The following GRM8 variants were observed in gnomAD, a reference collection of about 807,000 sequenced individuals.
GRM8 encodes the protein glutamate metabotropic receptor 8.
GRM8 carries 47 observed loss-of-function variants against 87.2 expected under a neutral mutation model. The observed-to-expected ratio is 0.54, with a 90% confidence interval of 0.43 to 0.69. The LOEUF is 0.69. Among genes scored for constraint, GRM8 ranks in the 30% least tolerant of loss-of-function variants. GRM8 has a pLI of 0.00. For missense variants in GRM8, 1,019 were observed against 1,139.2 expected (o/e 0.89, Z 1.52); for synonymous variants, 396 against 404.5 (o/e 0.98, Z 0.25).
At chr7:127,045,144 A>C (rs1469714451) in intron 3 of GRM8, among the ~76,000 whole-genome samples, 1 of 152,198 alleles carries the variant, frequency 6.6e-6, no homozygotes, top group East Asian at 1.9e-4. Context: ...TATCAACTCA[A>C]ATGCATGACT....
intron 2 of GRM8, among the ~76,000 whole-genome samples, chr7:127,154,729 A>T (rs1353197702): frequency 6.6e-6 from 1 of 152,066 alleles, no homozygotes; most frequent in Non-Finnish European, 1.5e-5. Flanking sequence ...CCCATGGACT[A>T]TAACTTTTTT....
chr7:126,623,594 G>A (rs969801606), intron 7 of GRM8, among the ~76,000 whole-genome samples: 1 of 152,078 alleles, frequency 6.6e-6, no homozygotes, highest in Non-Finnish European at 1.5e-5. Flanking sequence ...CCATTCACTG[G>A]GGATGAAGGC....
chr7:127,023,747 A>G (rs954837481), intron 3 of GRM8, among the ~76,000 whole-genome samples: 9 of 152,220 alleles, frequency 5.9e-5, no homozygotes, highest in African/African-American at 2.2e-4. Context: ...AAAATTTCCA[A>G]TTTCAAATCC....
Position 126,528,461 on chromosome 7 carries a change from C to T in GRM8, c.2430+4491G>A, listed in dbSNP as rs1055912579. ...CAAAATCAAATAAAGTCCTTGCCCT[C>T]ATGGGTAACAGCCTAATGGTGATGA... On this transcript the variant is annotated intron_variant, in intron 9 of 10. Coordinates refer to ENST00000339582, the MANE Select transcript of GRM8 (RefSeq NM_000845.3). 3.3e-5 allele frequency among the ~76,000 whole-genome samples: 5 copies of T among 152,152 alleles called. No individual in the cohort carries two copies. The East Asian group carries it at 9.6e-4, about 29-fold the overall frequency.
chr7:126,779,570 AT>A (rs1157293288), intron 6 of GRM8, among the ~76,000 whole-genome samples: 1 of 152,176 alleles, frequency 6.6e-6, no homozygotes, highest in Non-Finnish European at 1.5e-5. Context: ...AAGACATAAC[AT>A]AGCTACAATA....
chr7:127,235,610 A>C (rs934304433), intron 2 of GRM8, among the ~76,000 whole-genome samples: 1 of 152,232 alleles, frequency 6.6e-6, no homozygotes, highest in Non-Finnish European at 1.5e-5. Flanking sequence ...TGGTCCATCC[A>C]TATGATTAAA....
intron 10 of GRM8, among the ~76,000 whole-genome samples, chr7:126,442,002 G>T (rs543832110): frequency 4.4e-4 from 21 of 48,188 alleles, no homozygotes; most frequent in Admixed American, 2.1e-3. Context: ...TGCAAAATGC[G>T]TGAAAAAAAA....
intron 2 of GRM8, among the ~76,000 whole-genome samples, chr7:127,221,337 G>A (rs1232657772): frequency 4.6e-5 from 7 of 152,234 alleles, no homozygotes; most frequent in South Asian, 2.1e-4. Flanking sequence ...TGTAGACCCC[G>A]TTGAGCCCTG....
chr7:127,106,353 A>T, intron 3 of GRM8, 143 bp downstream of exon 3: 1 of 647,622 alleles, frequency 1.5e-6, no homozygotes, highest in Non-Finnish European at 2.7e-6. Context: ...TAATAAACCC[A>T]GCTTCCCTCT....
chr7:126,965,515 G>GT (rs1397553991), intron 3 of GRM8, among the ~76,000 whole-genome samples: 1 of 151,872 alleles, frequency 6.6e-6, no homozygotes, highest in East Asian at 1.9e-4. Flanking sequence ...ATTTTAAAAA[G>GT]TTTTTAAAAA....
At chr7:127,243,632 TC>T in intron 1 of GRM8, 117 bp from the exon 2 acceptor site, 1 of 161,362 alleles carries the variant, frequency 6.2e-6, no homozygotes, top group Non-Finnish European at 1.3e-5. Context: ...AGAAACTAAT[TC>T]TTTTTGTCCC....
rs149334529 is a variant in GRM8, at chr7:126,686,376, G to T, written c.1358-76878C>A. 6.6e-5 allele frequency among the ~76,000 whole-genome samples: 10 copies of T among 152,292 alleles called. No individual in the cohort carries two copies. The East Asian group carries it at 1.7e-3, about 27-fold the overall frequency. ...CAGGGCTGAAACATGCCCCTTGCTTGCCACGTTGTGGGTGAAGAGAAGGAG... is the reference window on the plus strand; with the variant it reads ...CAGGGCTGAAACATGCCCCTTGCTTTCCACGTTGTGGGTGAAGAGAAGGAG... On this transcript the variant is annotated intron_variant, in intron 7 of 10. Coordinates refer to ENST00000339582, the MANE Select transcript of GRM8 (RefSeq NM_000845.3).
intron 8 of GRM8, among the ~76,000 whole-genome samples, chr7:126,549,704 C>G (rs1335227878): frequency 6.6e-6 from 1 of 152,086 alleles, no homozygotes; most frequent in Non-Finnish European, 1.5e-5. Flanking sequence ...GAGAGAAACT[C>G]TCAGATATAC....
intron 7 of GRM8, among the ~76,000 whole-genome samples, chr7:126,681,178 T>A (rs545578119): frequency 5.9e-5 from 9 of 152,336 alleles, no homozygotes; most frequent in African/African-American, 2.2e-4. Flanking sequence ...TTGCCCTTTC[T>A]GCATTCTCTT....
intron 6 of GRM8, among the ~76,000 whole-genome samples, chr7:126,819,417 G>A (rs1238360529): frequency 6.6e-6 from 1 of 152,024 alleles, no homozygotes. Flanking sequence ...CACTCACAAA[G>A]CATTGTAAAT....
chr7:126,466,030 A>ATTAATTTAAGTGAAGTTTAG (rs1160151377), intron 9 of GRM8, among the ~76,000 whole-genome samples: 2 of 151,960 alleles, frequency 1.3e-5, no homozygotes, highest in Admixed American at 6.6e-5. Context: ...ATAAATGGAT[A>ATTAATTTAAGTGAAGTTTAG]TTAATTTAAG....
chr7:126,598,252 T>C (rs1371223577), intron 8 of GRM8, among the ~76,000 whole-genome samples: 4 of 152,048 alleles, frequency 2.6e-5, no homozygotes, highest in African/African-American at 7.2e-5. Context: ...AGGTTTTTAA[T>C]GCCCTATTTC....
chr7:126,804,403 C>T (rs1187156736), intron 6 of GRM8, among the ~76,000 whole-genome samples: 1 of 152,226 alleles, frequency 6.6e-6, no homozygotes, highest in Non-Finnish European at 1.5e-5. Context: ...TGTCTCATTC[C>T]TTTGTTTATT....
Position 127,067,794 on chromosome 7 carries a change from T to C in GRM8, c.727+38702A>G, listed in dbSNP as rs866465075. Among the ~76,000 whole-genome samples the C allele has an allele frequency of 1.4e-4, 22 of 152,324 alleles. No individual in the cohort carries two copies. The Middle Eastern group carries it at 0.017, about 118-fold the overall frequency. On this transcript the variant is annotated intron_variant, in intron 3 of 10. Coordinates refer to ENST00000339582, the MANE Select transcript of GRM8 (RefSeq NM_000845.3). ...TATGTCAGGTTCCATCTTTACTTGT[T>C]AGATAAATCACTGTTACAATAATCT... is the stretch of plus-strand genomic sequence containing the variant.
Sources: gnomAD v4.1 joint callset for allele counts (sites outside exome capture counted in the v4.1 genomes callset) on GRCh38, gnomAD v4.1.1 for gene constraint, MANE v1.5 for transcripts, NCBI Gene and HGNC (gene_info 2026-07-23, HGNC 2026-07-21) for gene names.